ARHGAP17: variants seen among roughly 807,000 people sequenced by gnomAD.
The protein encoded by ARHGAP17 is Rho GTPase activating protein 17.
A neutral mutation model predicts 99.5 loss-of-function variants in ARHGAP17; 57 were observed. That is an observed-to-expected ratio of 0.57 (90% CI 0.46 to 0.71). ARHGAP17 has a LOEUF of 0.71. Ranked by LOEUF, ARHGAP17 falls within the 30% of genes least tolerant of loss-of-function variation. The pLI is 0.00. For missense variants in ARHGAP17, 1,000 were observed against 1,122.4 expected, an observed-to-expected ratio of 0.89 and a Z score of 1.56; for synonymous variants, 417 against 429.6, an observed-to-expected ratio of 0.97 and a Z score of 0.36.
intron 1 of ARHGAP17, among the ~76,000 whole-genome samples, chr16:25,005,539 G>C (rs1247401243): frequency 1.3e-5 from 2 of 152,220 alleles, no homozygotes; most frequent in African/African-American, 2.4e-5. Flanking sequence ...CAGATTATCT[G>C]TTTGTAGCTC....
chr16:25,001,901 C>T (rs141997806), intron 1 of ARHGAP17, among the ~76,000 whole-genome samples: 34 of 152,080 alleles, frequency 2.2e-4, no homozygotes, highest in African/African-American at 6.5e-4. Context: ...CTGACCAAAG[C>T]GAAACCCTGT....
chr16:24,980,138 T>C (rs1476508060), intron 1 of ARHGAP17, among the ~76,000 whole-genome samples: 3 of 152,160 alleles, frequency 2.0e-5, no homozygotes, highest in Non-Finnish European at 4.4e-5. Flanking sequence ...CGGGAACCAA[T>C]GCAAGAGCAG....
At chr16:24,925,726 G>A (rs374505889) in intron 19 of ARHGAP17, among the ~76,000 whole-genome samples, 3 of 152,128 alleles carry the variant, frequency 2.0e-5, no homozygotes, top group East Asian at 1.9e-4. Context: ...ACATGAGAAC[G>A]AGCATATGAT....
chr16:25,001,697 G>A (rs1306836891), intron 1 of ARHGAP17, among the ~76,000 whole-genome samples: 1 of 152,148 alleles, frequency 6.6e-6, no homozygotes, highest in Non-Finnish European at 1.5e-5. Flanking sequence ...TGGGATTACA[G>A]GCGTGAGCCA....
chr16:25,015,210 T>C lies in ARHGAP17; in HGVS notation c.52A>G (p.Arg18Gly). 1 of 1,332,554 alleles carries C rather than the reference T, an allele frequency of 7.5e-7. No individual in the cohort carries two copies. 82.5% of individuals were successfully genotyped at this position (1,332,554 alleles called of 1,614,324 possible). A position where few individuals can be genotyped will look rare whatever the true frequency, so the allele number is the denominator to read the frequency against. ...MKQLANQTVG[R>G]AEKTEVLSED... ...CCCCGTGCTGCCCGGCGCACTCGCC[T>C]GCCCACGGTCTGGTTAGCCAGCTGC... Residue 18 changes from arginine to glycine, a missense_variant and splice_region_variant, in exon 1 of 20, where the codon AGA (arginine) becomes GGA (glycine). Physicochemically the swap from Arg to Gly is moderately radical, Grantham distance 125 (BLOSUM62 -2). Around this residue, in one of 2 missense-constraint regions of ARHGAP17, gnomAD observed 472 missense variants for 611.1 expected, o/e 0.77. Coordinates refer to ENST00000289968, the MANE Select transcript of ARHGAP17 (RefSeq NM_001006634.3).
At chr16:24,992,268 A>T (rs1567259524) in intron 1 of ARHGAP17, among the ~76,000 whole-genome samples, 1 of 152,206 alleles carries the variant, frequency 6.6e-6, no homozygotes, top group Non-Finnish European at 1.5e-5. Context: ...TATCTAGACG[A>T]GAGACAAGAA....
At chr16:24,978,434 C>A (rs550376055) in intron 2 of ARHGAP17, among the ~76,000 whole-genome samples, 1 of 152,138 alleles carries the variant, frequency 6.6e-6, no homozygotes, top group Non-Finnish European at 1.5e-5. Flanking sequence ...GGATGCACAG[C>A]CCCCTGGGGA....
At chr16:25,009,435 G>A (rs1049165899) in intron 1 of ARHGAP17, among the ~76,000 whole-genome samples, 1 of 151,994 alleles carries the variant, frequency 6.6e-6, no homozygotes, top group African/African-American at 2.4e-5. Context: ...AGGACACAGT[G>A]GAGTGGGTGA....
chr16:24,932,363 A>G (rs1490671931), intron 18 of ARHGAP17, among the ~76,000 whole-genome samples: 1 of 152,240 alleles, frequency 6.6e-6, no homozygotes, highest in Non-Finnish European at 1.5e-5. Context: ...TTGAAAGTTC[A>G]ATAAGAAGAA....
chr16:24,966,890 T>C (rs2052204329), intron 6 of ARHGAP17, among the ~76,000 whole-genome samples: 1 of 152,160 alleles, frequency 6.6e-6, no homozygotes. Context: ...GGTCCCTCCC[T>C]TATCTGTAAA....
chr16:24,937,233 C>T (rs1325112890), intron 17 of ARHGAP17, among the ~76,000 whole-genome samples: 1 of 151,830 alleles, frequency 6.6e-6, no homozygotes, highest in Non-Finnish European at 1.5e-5. Flanking sequence ...ACCAGCCTGG[C>T]AAACATGGTG....
In ARHGAP17 at chr16:24,968,412, T is replaced by C; in HGVS notation, c.400A>G (p.Ile134Val). 1.2e-6 allele frequency: 2 copies of C among 1,614,230 alleles called. No individual in the cohort carries two copies. The highest frequency in any genetic ancestry group is 8.5e-7 in the Non-Finnish European group (1 of 1,180,028). ...GCAAGCTGCTTCCTCTGCTTCTGGA[T>C]GTTGGGAATCTCCACCTAAAAATAA... is the stretch of plus-strand genomic sequence containing the variant. ...YGIAEVEIPN[I>V]QKQRKQLARL... Residue 134 changes from isoleucine (I) to valine (V), a missense_variant, in exon 6 of 20, where the codon ATC (isoleucine) becomes GTC (valine). By Grantham distance (29) the Ile-to-Val change is conservative (BLOSUM62 3). Around this residue, in one of 2 missense-constraint regions of ARHGAP17, gnomAD observed 472 missense variants for 611.1 expected, o/e 0.77. Transcript: ENST00000289968.
chr16:24,948,197 C>G (rs1345115662), intron 13 of ARHGAP17, among the ~76,000 whole-genome samples: 2 of 152,084 alleles, frequency 1.3e-5, no homozygotes, highest in Non-Finnish European at 2.9e-5. Context: ...TACGCAAATA[C>G]CTTAAGCTGT....
chr16:24,980,946 CA>C (rs1555467030), intron 1 of ARHGAP17, among the ~76,000 whole-genome samples: 1 of 151,754 alleles, frequency 6.6e-6, no homozygotes, highest in African/African-American at 2.4e-5. Context: ...TTCACAAGTT[CA>C]AAAAAAGAGA....
chr16:24,968,641 CT>C lies in ARHGAP17; in HGVS notation c.384+19del, dbSNP rs754326764. 1 of 1,612,936 alleles carries C rather than the reference CT, an allele frequency of 6.2e-7. No individual in the cohort carries two copies. The highest frequency in any genetic ancestry group is 1.3e-5 in the African/African-American group (1 of 75,030). On this transcript the variant is annotated intron_variant, in intron 5 of 19. Transcript: ENST00000289968. ...CCACACCACTCTCGGCTCTTCCGTG[CT>C]GCACGGTGAAGCACCCACCTCAGCT...
chr16:24,928,628 G>A (rs539893305), intron 19 of ARHGAP17, among the ~76,000 whole-genome samples: 2 of 152,260 alleles, frequency 1.3e-5, no homozygotes, highest in African/African-American at 4.8e-5. Flanking sequence ...GCTACACTCT[G>A]GTTTTCCACT....
intron 14 of ARHGAP17, among the ~76,000 whole-genome samples, chr16:24,946,958 C>T (rs886438794): frequency 1.1e-4 from 16 of 152,178 alleles, no homozygotes; most frequent in South Asian, 2.1e-4. Flanking sequence ...TCATAATATA[C>T]GTGAAATCCC....
chr16:24,952,481 C>A, intron 11 of ARHGAP17, 111 bp from the exon 12 acceptor site: 2 of 696,752 alleles, frequency 2.9e-6, no homozygotes, highest in Non-Finnish European at 4.6e-6. Context: ...CCAAGGTGTA[C>A]ATAACAAATC....
intron 1 of ARHGAP17, among the ~76,000 whole-genome samples, chr16:24,991,200 T>G (rs2053030893): frequency 6.6e-6 from 1 of 152,168 alleles, no homozygotes. Context: ...TAAGAAACAT[T>G]TCCTCCACTG....
Sources: allele counts gnomAD v4.1 joint callset (sites outside exome capture counted in the v4.1 genomes callset), GRCh38; gene constraint gnomAD v4.1.1; regional missense constraint gnomAD v4.1.1; transcripts MANE v1.5; gene names NCBI Gene and HGNC (gene_info 2026-07-23, HGNC 2026-07-21).